The following SYNE1 variants were observed in gnomAD, a reference collection of about 807,000 sequenced individuals.
The protein encoded by SYNE1 is nesprin-1.
SYNE1 carries 616 observed loss-of-function variants against 1,111.0 expected under a neutral mutation model. The observed-to-expected ratio is 0.55, with a 90% CI of 0.52 to 0.59. SYNE1 has a LOEUF of 0.59. Ranked by LOEUF, SYNE1 falls within the 20% of genes least tolerant of loss-of-function variation. The pLI, the probability that SYNE1 is intolerant of heterozygous loss-of-function variation, is 0.00. For missense variants in SYNE1, 10,006 were observed against 10,417.0 expected (o/e 0.96, Z 1.72); for synonymous variants, 3,855 against 3,825.8 (o/e 1.01, Z -0.28).
chr6:152,393,822 A>G (rs1041747241), intron 51 of SYNE1, among the ~76,000 whole-genome samples: 4 of 126,288 alleles, frequency 3.2e-5, no homozygotes, highest in Non-Finnish European at 6.9e-5. Flanking sequence ...GAATTCTGGA[A>G]TTTCTTTTTT....
intron 105 of SYNE1, among the ~76,000 whole-genome samples, chr6:152,248,684 C>CT (rs1477235674): frequency 1.3e-5 from 2 of 152,034 alleles, no homozygotes; most frequent in South Asian, 4.1e-4. Context: ...CAATTTGTGC[C>CT]TTTTTTCTTG....
Position 152,347,102 on chromosome 6 carries a change from C to A in SYNE1, c.12035G>T (p.Gly4012Val), listed in dbSNP as rs745342797. The A allele has an allele frequency of 3.7e-6, 6 of 1,614,050 alleles. No individual in the cohort carries two copies. The South Asian group carries it at 5.5e-5, about 15-fold the overall frequency. Residue 4012 changes from glycine (G) to valine (V), a missense_variant, in exon 73 of 146, where the codon GGC becomes GTC. Transcript: ENST00000367255. ...GATCGCTGAGTAGCTGTCCTTTGTG[C>A]CCTGCAGATGAGCATGCACGTTTTG... is the stretch of plus-strand genomic sequence containing the variant. ...LKQNVHAHLQ[G>V]TKDSYSAICS...
In SYNE1 at chr6:152,458,797, C is replaced by T. The variant is rs191723029; in HGVS notation, c.2528G>A (p.Arg843His). The part of the protein sequence containing the change: ...KINEIITVLE[R>H]EAQSSALFKQ... ...AAAAAGGGCACTCGATTGTGCCTCA[C>T]GCTCAAGAACTGTGATAATTTCATT... Residue 843 changes from arginine (R) to histidine (H), a missense_variant, in exon 22 of 146, where the codon CGT becomes CAT. This residue lies in a region of SYNE1 where 1,971 missense variants were observed against 2,084.1 expected (regional missense o/e 0.95). Transcript: ENST00000367255. The T allele has an allele frequency of 4.9e-5, 79 of 1,614,056 alleles. 1 individual carries two copies. Among genetic ancestry groups the T allele is most frequent in the South Asian group, 1.9e-4 (17 of 91,078 alleles).
chr6:152,486,984 A>G (rs1224026411), intron 12 of SYNE1, among the ~76,000 whole-genome samples: 1 of 152,228 alleles, frequency 6.6e-6, no homozygotes, highest in Non-Finnish European at 1.5e-5. Flanking sequence ...AAAGGGACTG[A>G]TGTTTTACAT....
chr6:152,428,242 G>C lies in SYNE1; in HGVS notation c.4939C>G (p.Gln1647Glu). 1 of 1,613,932 alleles carries C rather than the reference G, an allele frequency of 6.2e-7. No homozygotes were observed. Among genetic ancestry groups the C allele is most frequent in the South Asian group, 1.1e-5 (1 of 91,086 alleles). Residue 1647 changes from glutamine to glutamate, a missense_variant, in exon 37 of 146, where the codon CAG becomes GAG. Physicochemically the swap from Gln to Glu is conservative, Grantham distance 29. Transcript: ENST00000367255. ...EDILRRAKERQTALENLLAHW... is the reference protein window; with the variant it reads ...EDILRRAKERETALENLLAHW... ...GCCAGCAGATTCTCCAGCGCCGTCT[G>C]TCTCTCCTTCGCCCTCCTTAGGATG...
chr6:152,344,316 T>A, intron 73 of SYNE1, 89 bp from the exon 74 acceptor site: 1 of 1,543,138 alleles, frequency 6.5e-7, no homozygotes, highest in Non-Finnish European at 8.8e-7. Context: ...GACCAGTACA[T>A]CTAAATGGAT....
chr6:152,420,306 A>C (rs2098236466), intron 39 of SYNE1, among the ~76,000 whole-genome samples: 1 of 152,142 alleles, frequency 6.6e-6, no homozygotes, highest in Non-Finnish European at 1.5e-5. Context: ...AACTTTGGAG[A>C]CTATACTATT....
At chr6:152,125,324 A>G in intron 145 of SYNE1, 1 of 1,550,452 alleles carries the variant, frequency 6.4e-7, no homozygotes, top group Non-Finnish European at 8.7e-7. Flanking sequence ...AAATATTTGG[A>G]AACAAGTGGT....
Position 152,390,329 on chromosome 6 carries a change from G to A in SYNE1, c.8128C>T (p.Leu2710Phe), listed in dbSNP as rs747245766. 3 of 1,614,116 alleles carry A rather than the reference G, an allele frequency of 1.9e-6. No homozygotes were observed. The highest frequency in any genetic ancestry group is 1.1e-5 in the South Asian group (1 of 91,084). The change falls in exon 53 of 146, where the codon CTT (leucine) becomes TTT (phenylalanine). Residue 2710 changes from leucine (L) to phenylalanine (F), a missense_variant. By Grantham distance (22) the Leu-to-Phe change is conservative (BLOSUM62 0). Transcript: ENST00000367255. ...QRVIQTQLET[L>F]KEVWADIMSS... ...ATGATGTCAGCCCACACTTCTTTAA[G>A]GGTCTCTAACTGAGTCTGAATCACC...
intron 3 of SYNE1, among the ~76,000 whole-genome samples, chr6:152,621,091 A>T (rs2099674320): frequency 2.0e-5 from 3 of 152,190 alleles, no homozygotes; most frequent in Admixed American, 2.0e-4. Flanking sequence ...GGTTTTAGGA[A>T]CAGTGACTTG....
intron 114 of SYNE1, 151 bp downstream of exon 114, chr6:152,231,240 G>C: frequency 1.3e-6 from 1 of 750,114 alleles, no homozygotes; most frequent in South Asian, 1.6e-5. Context: ...CAGGTTAAAG[G>C]AAGTTTAGGG....
chr6:152,356,112 T>C (rs2096832703), intron 66 of SYNE1, among the ~76,000 whole-genome samples: 1 of 152,126 alleles, frequency 6.6e-6, no homozygotes, highest in Admixed American at 6.6e-5. Context: ...GGCAAACTTT[T>C]TCTATGAAAG....
chr6:152,310,667 C>CT lies in SYNE1; in HGVS notation c.16896+20dup, dbSNP rs545568394. The CT allele has an allele frequency of 0.012, 16,802 of 1,452,712 alleles. 45 individuals are homozygous for CT. Among genetic ancestry groups the CT allele is most frequent in the Non-Finnish European group, 0.014 (14,745 of 1,055,164 alleles). 90.0% of individuals were successfully genotyped at this position (1,452,712 alleles called of 1,614,324 possible). On this transcript the variant is annotated intron_variant, in intron 88 of 145. Coordinates refer to ENST00000367255, the MANE Select transcript of SYNE1 (RefSeq NM_182961.4). ...CAATGATAGACATTTTTTTCTGTTT[C>CT]TTTTTTTTTTCTTTTTTTACCTTAG...
At position 152,518,859 on chromosome 6, in the gene SYNE1, TAG is replaced by T. The variant is rs72326979; in HGVS notation, c.309+1598_309+1599del. Among the ~76,000 whole-genome samples, 12 of 149,874 alleles carry T rather than the reference TAG, an allele frequency of 8.0e-5. No individual in the cohort carries two copies. The East Asian group carries it at 1.4e-3, about 17-fold the overall frequency. On this transcript the variant is annotated intron_variant, in intron 6 of 145. Transcript: ENST00000367255. ...ATATACATGTACACACATACAGAGA[TAG>T]AGAGAGAGAGAGGAGAGAGAGAGAA...
intron 75 of SYNE1, among the ~76,000 whole-genome samples, chr6:152,337,320 G>A (rs373348518): frequency 4.7e-5 from 7 of 149,226 alleles, no homozygotes; most frequent in South Asian, 2.1e-4. Context: ...ACAGAGTTTC[G>A]CTCTTGTTGC....
chr6:152,345,660 C>T (rs533797641), intron 73 of SYNE1, among the ~76,000 whole-genome samples: 6 of 152,096 alleles, frequency 3.9e-5, no homozygotes, highest in African/African-American at 7.2e-5. Context: ...ACTCTAACCA[C>T]GTCACTGGTA....
intron 11 of SYNE1, among the ~76,000 whole-genome samples, chr6:152,491,364 A>G (rs572880883): frequency 1.3e-5 from 2 of 152,078 alleles, no homozygotes; most frequent in African/African-American, 4.8e-5. Flanking sequence ...CACCCACATT[A>G]CAGCCCAGGG....
chr6:152,631,185 C>A (rs1380487219), intron 2 of SYNE1, among the ~76,000 whole-genome samples: 1 of 152,188 alleles, frequency 6.6e-6, no homozygotes, highest in East Asian at 1.9e-4. Flanking sequence ...GGAAAGGTGT[C>A]CTTCTTGGCA....
chr6:152,388,023 C>T (rs1214886739), intron 53 of SYNE1, among the ~76,000 whole-genome samples: 1 of 152,172 alleles, frequency 6.6e-6, no homozygotes, highest in Non-Finnish European at 1.5e-5. Context: ...AAAATCCCTC[C>T]ATTATTAAGC....
Sources: gnomAD v4.1 joint callset for allele counts (sites outside exome capture counted in the v4.1 genomes callset) on GRCh38, gnomAD v4.1.1 for gene constraint, gnomAD v4.1.1 regional missense constraint, MANE v1.5 for transcripts, NCBI Gene and HGNC (gene_info 2026-07-23, HGNC 2026-07-21) for gene names.